GLIPR2: variants seen among roughly 807,000 people sequenced by gnomAD.
GLIPR2 encodes the protein GLI pathogenesis related 2, also known as Golgi-associated plant pathogenesis-related protein 1.
Under a neutral mutation model 20.4 loss-of-function variants are expected in GLIPR2, and 21 were observed. The observed-to-expected ratio is 1.03, with a 90% CI of 0.73 to 1.48. GLIPR2 has a LOEUF of 1.48. GLIPR2 is among the 40% of genes most tolerant of loss of function. The pLI is 0.00. For missense variants in GLIPR2, 205 were observed against 200.1 expected, an observed-to-expected ratio of 1.02 and a Z score of -0.15; for synonymous variants, 91 against 80.5, an observed-to-expected ratio of 1.13 and a Z score of -0.70.
At position 36,157,091 on chromosome 9, in the gene GLIPR2, A is replaced by G. The variant is rs560550363; in HGVS notation, c.305-5271A>G. 6.6e-5 allele frequency among the ~76,000 whole-genome samples: 10 copies of G among 151,810 alleles called. No homozygotes were observed. The South Asian group carries it at 2.1e-3, about 32-fold the overall frequency. On this transcript the variant is annotated intron_variant, in intron 4 of 4. Coordinates refer to ENST00000377960, the MANE Select transcript of GLIPR2 (RefSeq NM_022343.4). ...GAGTGCAATGGCGTGATCTTGGCTC[A>G]CTGTAACCTCTGCCTCCCGAGTTCA...
chr9:36,154,719 T>C (rs763915032), intron 4 of GLIPR2, among the ~76,000 whole-genome samples: 49 of 152,192 alleles, frequency 3.2e-4, no homozygotes, highest in Non-Finnish European at 5.6e-4. Flanking sequence ...TACCCATAGC[T>C]TAATTCCCTC....
At chr9:36,141,940 C>T in intron 1 of GLIPR2, 1 of 451,162 alleles carries the variant, frequency 2.2e-6, no homozygotes, top group South Asian at 1.6e-5. Context: ...TACCCTCCAC[C>T]CCAGCAGAGA....
intron 4 of GLIPR2, among the ~76,000 whole-genome samples, chr9:36,152,986 G>C (rs537344877): frequency 7.3e-6 from 1 of 136,956 alleles, no homozygotes; most frequent in South Asian, 2.2e-4. Flanking sequence ...AAAAAAGCCA[G>C]GTGTGGTGAC....
chr9:36,139,918 T>G (rs1824998090), intron 1 of GLIPR2, among the ~76,000 whole-genome samples: 1 of 152,184 alleles, frequency 6.6e-6, no homozygotes, highest in African/African-American at 2.4e-5. Flanking sequence ...TCCCTAATAC[T>G]GGTGACACCA....
At chr9:36,147,689 C>A in intron 1 of GLIPR2, 97 bp from the exon 2 acceptor site, 1 of 732,014 alleles carries the variant, frequency 1.4e-6, no homozygotes, top group Non-Finnish European at 2.5e-6. Flanking sequence ...TCCACATGGC[C>A]TAAGGTTTGA....
chr9:36,162,935 T>G lies in GLIPR2; in HGVS notation c.*413T>G. 1 of 454,906 alleles carries G rather than the reference T, an allele frequency of 2.2e-6. No individual in the cohort carries two copies. The highest frequency in any genetic ancestry group is 4.4e-6 in the Non-Finnish European group (1 of 227,184). 28.2% of individuals were successfully genotyped at this position (454,906 alleles called of 1,614,324 possible). On this transcript the variant is annotated 3_prime_UTR_variant, in exon 5 of 5. Transcript: ENST00000377960. ...ATCTTCATGCGTCGTAATCTACTTT[T>G]GGTAGATAATTAAGATTATTAAACC... is the stretch of plus-strand genomic sequence containing the variant.
intron 4 of GLIPR2, among the ~76,000 whole-genome samples, chr9:36,153,122 C>CAA (rs755775246): frequency 1.0e-3 from 88 of 88,406 alleles, no homozygotes; most frequent in Middle Eastern, 0.011. Flanking sequence ...GACTCTGTCT[C>CAA]AAAAAAAAAA....
intron 1 of GLIPR2, 49 bp from the exon 2 acceptor site, chr9:36,147,737 T>C (rs1307959232): frequency 5.8e-6 from 5 of 857,734 alleles, no homozygotes; most frequent in Admixed American, 3.4e-5. Flanking sequence ...ATACTTTTGA[T>C]GAGTGTTTTC....
chr9:36,162,240 T>C lies in GLIPR2; in HGVS notation c.305-122T>C, dbSNP rs753630623. ...CTCTCCTTCCCCTGCAGGGGGTCTG[T>C]GAAGACCATGCTGACCTGAGCCTGG... On this transcript the variant is annotated intron_variant, in intron 4 of 4. Transcript: ENST00000377960. The C allele has an allele frequency of 2.5e-6, 4 of 1,593,866 alleles. No individual in the cohort carries two copies. The Admixed American group carries it at 5.3e-5, about 21-fold the overall frequency.
chr9:36,138,504 C>A (rs776888354), intron 1 of GLIPR2, among the ~76,000 whole-genome samples: 1 of 152,092 alleles, frequency 6.6e-6, no homozygotes, highest in South Asian at 2.1e-4. Context: ...ATTACAGGTG[C>A]GCCCAGCCTA....
At chr9:36,138,523 C>T (rs1414087918) in intron 1 of GLIPR2, among the ~76,000 whole-genome samples, 1 of 152,156 alleles carries the variant, frequency 6.6e-6, no homozygotes, top group African/African-American at 2.4e-5. Context: ...TAGGCTACAC[C>T]TTAATCAGTT....
chr9:36,145,790 C>T (rs561774105), intron 1 of GLIPR2, among the ~76,000 whole-genome samples: 128 of 151,768 alleles, frequency 8.4e-4, no homozygotes, highest in Middle Eastern at 6.8e-3. Context: ...ATGGATGGTT[C>T]GAGGATGTTG....
chr9:36,162,432 G>C lies in GLIPR2; in HGVS notation c.375G>C (p.Gly125=), dbSNP rs954830271. ...MGVGKASASD[G]SSFVVARYFP... ...TGGGGAAGGCGTCCGCAAGTGACGG[G>C]TCCTCCTTTGTGGTGGCCAGATACT... is the stretch of plus-strand genomic sequence containing the variant. Residue 125 remains glycine (G), a synonymous_variant, in exon 5 of 5, where the codon GGG becomes GGC. Coordinates refer to ENST00000377960, the MANE Select transcript of GLIPR2 (RefSeq NM_022343.4). The C allele has an allele frequency of 1.2e-6, 2 of 1,614,076 alleles. No individual in the cohort carries two copies. The highest frequency in any genetic ancestry group is 1.3e-5 in the African/African-American group (1 of 75,040).
chr9:36,151,948 C>T (rs1825604850), intron 4 of GLIPR2, among the ~76,000 whole-genome samples: 1 of 152,200 alleles, frequency 6.6e-6, no homozygotes, highest in African/African-American at 2.4e-5. Context: ...CCCACCTGTT[C>T]CACCCACAAG....
At position 36,147,874 on chromosome 9, in the gene GLIPR2, C is replaced by A. The variant is rs16932994; in HGVS notation, c.102C>A (p.Asn34Lys). Reference sequence around the variant, plus strand: ...TCCCCCCACTGAAGCTCTGCAAGAACCTCAACCGGGAGGCTCAACAGTGAG... The same window carrying A: ...TCCCCCCACTGAAGCTCTGCAAGAAACTCAACCGGGAGGCTCAACAGTGAG... ...HGVPPLKLCK[N>K]LNREAQQYSE... The change falls in exon 2 of 5, where the codon AAC becomes AAA. Residue 34 changes from asparagine to lysine, a missense_variant. Transcript: ENST00000377960. 6.4e-7 allele frequency: 1 copy of A among 1,567,572 alleles called. No homozygotes were observed. The highest frequency in any genetic ancestry group is 8.8e-7 in the Non-Finnish European group (1 of 1,137,818).
At chr9:36,153,315 T>C (rs1008637258) in intron 4 of GLIPR2, among the ~76,000 whole-genome samples, 12 of 152,108 alleles carry the variant, frequency 7.9e-5, no homozygotes, top group Admixed American at 7.9e-4. Flanking sequence ...CACTGACTAC[T>C]CGTTTCACTC....
At chr9:36,141,639 ACCT>A (rs1825086854) in intron 1 of GLIPR2, among the ~76,000 whole-genome samples, 2 of 151,676 alleles carry the variant, frequency 1.3e-5, no homozygotes, top group South Asian at 2.1e-4. Flanking sequence ...AGGGGCATAG[ACCT>A]CCTCAGAATC....
intron 4 of GLIPR2, among the ~76,000 whole-genome samples, chr9:36,159,808 A>G (rs1825982393): frequency 6.6e-6 from 1 of 152,074 alleles, no homozygotes; most frequent in Admixed American, 6.5e-5. Flanking sequence ...TCTACTAAAA[A>G]TACAACAATT....
intron 1 of GLIPR2, among the ~76,000 whole-genome samples, chr9:36,140,308 A>G (rs1480328324): frequency 6.6e-6 from 1 of 152,184 alleles, no homozygotes; most frequent in East Asian, 1.9e-4. Context: ...CGAGCCCAGG[A>G]GTTTTCTACT....
Sources: allele counts gnomAD v4.1 joint callset (sites outside exome capture counted in the v4.1 genomes callset), GRCh38; gene constraint gnomAD v4.1.1; transcripts MANE v1.5; gene names NCBI Gene and HGNC (gene_info 2026-07-23, HGNC 2026-07-21).